The following TRAPPC2L variants were observed in gnomAD, a reference collection of about 807,000 sequenced individuals.
The protein encoded by TRAPPC2L is trafficking protein particle complex subunit 2-like protein.
TRAPPC2L carries 17 observed loss-of-function variants against 13.2 expected under a neutral mutation model. That is an observed-to-expected ratio of 1.29 (90% CI 0.88 to 1.93). The LOEUF (loss-of-function observed/expected upper bound fraction) is 1.93. Ranked by LOEUF, TRAPPC2L falls within the 30% of genes most tolerant of loss-of-function variation. TRAPPC2L has a pLI of 0.00. For missense variants in TRAPPC2L, 359 were observed against 252.1 expected, an observed-to-expected ratio of 1.42 and a Z score of -2.87; for synonymous variants, 150 against 98.1, an observed-to-expected ratio of 1.53 and a Z score of -3.12.
upstream of TRAPPC2L, chr16:88,856,562 C>T (rs1265115736): frequency 4.7e-6 from 3 of 643,684 alleles, no homozygotes; most frequent in South Asian, 3.1e-5. Context: ...GAGGGGCCTC[C>T]CCCTCCCCGC....
Position 88,859,761 on chromosome 16 carries a change from G to A in TRAPPC2L, c.294+11G>A, listed in dbSNP as rs1597626548. Reference sequence around the variant, plus strand: ...AACGAAATTCGCAGCGTAAGTCAGGGAGTTAGAGGGCCACGCCCGAGTGGG... The same window carrying A: ...AACGAAATTCGCAGCGTAAGTCAGGAAGTTAGAGGGCCACGCCCGAGTGGG... On this transcript the variant is annotated intron_variant, in intron 3 of 3. Transcript: ENST00000565504. 1 of 1,611,132 alleles carries A rather than the reference G, an allele frequency of 6.2e-7. No individual in the cohort carries two copies.
chr16:88,856,717 G>A, upstream of TRAPPC2L: 1 of 438,864 alleles, frequency 2.3e-6, no homozygotes, highest in Non-Finnish European at 4.2e-6. Context: ...TCCCCTCCCC[G>A]CCCCACCCCG....
At chr16:88,860,383 T>C (rs1968303222) in exon 4 of TRAPPC2L, 2 of 625,048 alleles carry the variant, frequency 3.2e-6, no homozygotes, top group Admixed American at 5.4e-5. Context: ...TTCCGAATAG[T>C]CCACAAAGTA....
chr16:88,860,368 G>A, exon 4 of TRAPPC2L: 1 of 649,370 alleles, frequency 1.5e-6, no homozygotes, highest in Non-Finnish European at 2.8e-6. Context: ...TGGTTTGCAG[G>A]TGTCTTCCGA....
exon 4 of TRAPPC2L, chr16:88,861,200 G>A (rs1163372222): frequency 1.3e-5 from 7 of 547,696 alleles, no homozygotes; most frequent in Non-Finnish European, 2.0e-5. Context: ...CAGAGGTTTG[G>A]GATCAGATGG....
At chr16:88,857,379 C>T (rs1597618072) in intron 1 of TRAPPC2L, 196 bp downstream of exon 1, 1 of 529,844 alleles carries the variant, frequency 1.9e-6, no homozygotes, top group East Asian at 3.5e-5. Context: ...GTTCCGCGCT[C>T]GCCCGTCCCG....
chr16:88,856,986 G>A (rs565017401), upstream of TRAPPC2L: 32 of 1,391,404 alleles, frequency 2.3e-5, no homozygotes, highest in African/African-American at 3.0e-4. Flanking sequence ...CGTGACTCGC[G>A]GGGCGGGGCC....
chr16:88,859,793 G>A, intron 3 of TRAPPC2L, 43 bp downstream of exon 3: 1 of 1,594,292 alleles, frequency 6.3e-7, no homozygotes, highest in East Asian at 2.2e-5. Flanking sequence ...TGGGTGTTTT[G>A]TTTTTCCTTT....
chr16:88,859,731 G>T, exon 3 of TRAPPC2L: 1 of 1,613,890 alleles, frequency 6.2e-7, no homozygotes, highest in South Asian at 1.1e-5. Context: ...ACAGCCCTTC[G>T]AGACAACGAA....
chr16:88,857,491 G>C, intron 1 of TRAPPC2L: 1 of 378,806 alleles, frequency 2.6e-6, no homozygotes, highest in Non-Finnish European at 4.8e-6. Flanking sequence ...TCCTCAGCAG[G>C]TTCTGCCCGT....
intron 1 of TRAPPC2L, 118 bp from the exon 2 acceptor site, chr16:88,858,501 T>G: frequency 9.0e-7 from 1 of 1,106,444 alleles, no homozygotes; most frequent in Non-Finnish European, 1.3e-6. Flanking sequence ...CGGTGGGCCT[T>G]AGAGCATGGG....
At chr16:88,857,331 G>A (rs1475984216) in intron 1 of TRAPPC2L, 148 bp downstream of exon 1, 1 of 716,942 alleles carries the variant, frequency 1.4e-6, no homozygotes. Context: ...GGGCTTCGCG[G>A]TGGACGAGCC....
At chr16:88,860,750 G>T in exon 4 of TRAPPC2L, 3 of 733,252 alleles carry the variant, frequency 4.1e-6, no homozygotes, top group Non-Finnish European at 6.9e-6. Flanking sequence ...CTCAGTGCCC[G>T]GTGGGGTGGG....
At chr16:88,857,104 C>A (rs199729493), upstream of TRAPPC2L, 741 of 1,553,942 alleles carry the variant, frequency 4.8e-4, 1 homozygote, top group African/African-American at 8.6e-3. Context: ...GGCCGCGTGA[C>A]CAGCGGCGGG....
intron 2 of TRAPPC2L, 102 bp from the exon 3 acceptor site, chr16:88,859,561 C>T (rs779749491): frequency 1.8e-6 from 2 of 1,116,552 alleles, no homozygotes; most frequent in Admixed American, 1.7e-5. Context: ...TGGGCATTTC[C>T]TGTGATTCAA....
chr16:88,857,478 C>G (rs1025200514), intron 1 of TRAPPC2L: 22 of 407,090 alleles, frequency 5.4e-5, no homozygotes, highest in Non-Finnish European at 8.8e-5. Flanking sequence ...CCTCCGTCCT[C>G]CGTCCTCAGC....
At position 88,861,947 on chromosome 16, in the gene TRAPPC2L, C is replaced by G. The variant is rs76010343; in HGVS notation, c.*1623C>G. On this transcript the variant is annotated 3_prime_UTR_variant, in exon 4 of 4. Coordinates refer to ENST00000565504, the Ensembl canonical transcript of TRAPPC2L. Reference sequence around the variant, plus strand: ...TTTTAGAAATTATAGAAGAAAAAATCAGCAAGGAGTGTGGGAAAACTGCAT... The same window carrying G: ...TTTTAGAAATTATAGAAGAAAAAATGAGCAAGGAGTGTGGGAAAACTGCAT... The G allele has an allele frequency of 5.5e-3, 1,382 of 251,834 alleles. 20 individuals are homozygous for G. The highest frequency in any genetic ancestry group is 0.03 in the African/African-American group (1,303 of 43,234). 15.6% of individuals were successfully genotyped at this position (251,834 alleles called of 1,614,324 possible). A position where few individuals can be genotyped will look rare whatever the true frequency, so the allele number is the denominator to read the frequency against.
chr16:88,856,508 G>A, upstream of TRAPPC2L: 1 of 698,324 alleles, frequency 1.4e-6, no homozygotes, highest in Non-Finnish European at 2.6e-6. Flanking sequence ...TGTGGTGATC[G>A]GTGACCGCCG....
chr16:88,856,257 A>T, upstream of TRAPPC2L: 1 of 702,986 alleles, frequency 1.4e-6, no homozygotes, highest in South Asian at 1.5e-5. Flanking sequence ...GTAAGACTGG[A>T]GCCCAGCGGG....
Sources: allele counts gnomAD v4.1 joint callset, GRCh38; gene constraint gnomAD v4.1.1; transcripts MANE v1.5; gene names NCBI Gene and HGNC (gene_info 2026-07-23, HGNC 2026-07-21).